The following SIK3 variants were observed in gnomAD, a reference collection of about 807,000 sequenced individuals.
SIK3 encodes SIK family kinase 3.
A neutral mutation model predicts 144.2 loss-of-function variants in SIK3; 28 were observed. The observed-to-expected ratio is 0.19, with a 90% confidence interval of 0.14 to 0.27. The LOEUF (loss-of-function observed/expected upper bound fraction) is 0.27. Among genes scored for constraint, SIK3 ranks in the 10% least tolerant of loss-of-function variants. The pLI, the probability that SIK3 is intolerant of heterozygous loss-of-function variation, is 1.00. For synonymous variants in SIK3, 686 were observed against 676.3 expected (o/e 1.01, Z -0.22); for missense variants, 1,319 against 1,776.0 (o/e 0.74, Z 4.62).
intron 19 of SIK3, among the ~76,000 whole-genome samples, chr11:116,860,495 C>T (rs1284849178): frequency 1.3e-5 from 2 of 152,134 alleles, no homozygotes; most frequent in Admixed American, 6.5e-5. Context: ...ATCTGTACAC[C>T]CACAAGAGAG....
chr11:116,979,260 G>GT (rs1254851986), intron 1 of SIK3, among the ~76,000 whole-genome samples: 2 of 152,100 alleles, frequency 1.3e-5, no homozygotes, highest in Non-Finnish European at 1.5e-5. Flanking sequence ...TACTAAAAGG[G>GT]TTGAGGATCT....
At chr11:116,879,781 T>C (rs964668530) in intron 6 of SIK3, among the ~76,000 whole-genome samples, 6 of 152,230 alleles carry the variant, frequency 3.9e-5, no homozygotes, top group African/African-American at 7.2e-5. Context: ...TACATTCCTA[T>C]AGAATAAAGT....
chr11:117,066,839 G>C (rs1237128082), intron 1 of SIK3, among the ~76,000 whole-genome samples: 1 of 152,118 alleles, frequency 6.6e-6, no homozygotes, highest in East Asian at 1.9e-4. Context: ...TGCCCGGTCA[G>C]CCCATTTCTT....
At position 116,873,773 on chromosome 11, in the gene SIK3, G is replaced by C. The variant is rs1335687590; in HGVS notation, c.1581+130C>G. 3 of 1,466,492 alleles carry C rather than the reference G, an allele frequency of 2.0e-6. No homozygotes were observed. In the East Asian group the frequency reaches 6.9e-5, roughly 34 times the overall value. The allele number at this position is 1,466,492 out of a possible 1,614,324, so 90.8% of individuals were successfully genotyped here. A position where few individuals can be genotyped will look rare whatever the true frequency, so the allele number is the denominator to read the frequency against. On this transcript the variant is annotated intron_variant, in intron 12 of 24. Coordinates refer to ENST00000445177, the MANE Select transcript of SIK3 (RefSeq NM_001366686.3). ...TAGAGGACGCTTCCCGCTCACCCGA[G>C]CTACTTTGCAAGATAAATCATCTTT...
chr11:116,965,760 T>A (rs747072836), intron 1 of SIK3, among the ~76,000 whole-genome samples: 19,793 of 61,282 alleles, frequency 0.32, 2,329 homozygotes, highest in Admixed American at 0.39. Flanking sequence ...TATATATATA[T>A]ATATATATAT....
chr11:116,891,177 G>A (rs1945082776), intron 6 of SIK3, among the ~76,000 whole-genome samples: 1 of 152,114 alleles, frequency 6.6e-6, no homozygotes, highest in Non-Finnish European at 1.5e-5. Context: ...GGGCATGATG[G>A]TGCTTGGTGC....
At chr11:116,862,605 G>A (rs1943407782) in intron 16 of SIK3, among the ~76,000 whole-genome samples, 1 of 152,226 alleles carries the variant, frequency 6.6e-6, no homozygotes, top group Non-Finnish European at 1.5e-5. Context: ...GCCATTGGAA[G>A]CTTGGTCATC....
chr11:116,893,458 C>T (rs922544430), intron 6 of SIK3, among the ~76,000 whole-genome samples: 5 of 152,052 alleles, frequency 3.3e-5, no homozygotes, highest in African/African-American at 1.2e-4. Flanking sequence ...AGGCAGATCG[C>T]CTGAACTCAA....
intron 1 of SIK3, among the ~76,000 whole-genome samples, chr11:117,007,309 C>T (rs1267389889): frequency 6.6e-6 from 1 of 152,150 alleles, no homozygotes; most frequent in Non-Finnish European, 1.5e-5. Context: ...ACCTGGGAGG[C>T]AGAGGTTGCA....
At chr11:116,930,401 G>C (rs749776308) in intron 3 of SIK3, among the ~76,000 whole-genome samples, 2 of 152,138 alleles carry the variant, frequency 1.3e-5, no homozygotes, top group African/African-American at 4.8e-5. Flanking sequence ...CTTTATATTC[G>C]TATATGCTCT....
chr11:117,032,178 A>G (rs939102165), intron 1 of SIK3, among the ~76,000 whole-genome samples: 12 of 152,188 alleles, frequency 7.9e-5, no homozygotes, highest in African/African-American at 2.7e-4. Flanking sequence ...CACAATTGAT[A>G]ATAATCTTGC....
intron 13 of SIK3, 21 bp downstream of exon 13, chr11:116,873,460 G>C: frequency 1.2e-6 from 2 of 1,614,068 alleles, no homozygotes; most frequent in Non-Finnish European, 1.7e-6. Context: ...ACAGTGAATT[G>C]GGCTCTGTGC....
rs569168760 is a variant in SIK3 at position 116,867,829 on chromosome 11, A to G, written c.1952+117T>C. On this transcript the variant is annotated intron_variant, in intron 15 of 24. Transcript: ENST00000445177. The surrounding 1 kb of genome is among the most constrained non-coding windows in gnomAD (Gnocchi z 4.1). ...GGAGCTGAGAAGATGTGAGTTCAGGATGACAGCTGGCTTCTATTTAAAGCC... is the reference window on the plus strand; with the variant it reads ...GGAGCTGAGAAGATGTGAGTTCAGGGTGACAGCTGGCTTCTATTTAAAGCC... 6.4e-6 allele frequency: 7 copies of G among 1,086,426 alleles called. No homozygotes were observed. In the East Asian group the frequency reaches 1.9e-4, roughly 29 times the overall value. The allele number at this position is 1,086,426 out of a possible 1,614,324, so 67.3% of individuals were successfully genotyped here. A position where few individuals can be genotyped will look rare whatever the true frequency, so the allele number is the denominator to read the frequency against.
intron 1 of SIK3, among the ~76,000 whole-genome samples, chr11:117,050,330 G>A (rs1318897725): frequency 6.6e-6 from 1 of 151,650 alleles, no homozygotes; most frequent in African/African-American, 2.4e-5. Flanking sequence ...ATTGGTGAAA[G>A]TTGGGGGAAG....
At chr11:116,953,995 G>A in intron 3 of SIK3, 49 bp downstream of exon 3, 1 of 1,484,438 alleles carries the variant, frequency 6.7e-7, no homozygotes, top group African/African-American at 1.4e-5. Context: ...TTTTAGGTTT[G>A]CCATAGTGTG....
In SIK3 at chr11:117,013,915, G is replaced by GGGGGGGTGTGT; in HGVS notation, c.274-56852_274-56851insACACACCCCCC. 2.1e-4 allele frequency among the ~76,000 whole-genome samples: 5 copies of GGGGGGGTGTGT among 23,644 alleles called. 1 individual carries two copies. Among genetic ancestry groups the GGGGGGGTGTGT allele is most frequent in the Non-Finnish European group, 6.5e-4 (5 of 7,724 alleles). The allele number at this position is 23,644 out of a possible 152,430, so 15.5% of individuals were successfully genotyped here. A position where few individuals can be genotyped will look rare whatever the true frequency, so the allele number is the denominator to read the frequency against. On this transcript the variant is annotated intron_variant, in intron 1 of 24. Transcript: ENST00000445177. ...CAGATTCTGAGGGGGGGGGGGGGAG[G>GGGGGGGTGTGT]GTGTGTGTGTGTGTGTGTGTGTGTG...
intron 1 of SIK3, among the ~76,000 whole-genome samples, chr11:117,014,945 T>G (rs1951455467): frequency 6.6e-6 from 1 of 152,068 alleles, no homozygotes; most frequent in Admixed American, 6.6e-5. Context: ...GCACCTTTAG[T>G]CCCAGCTACT....
intron 1 of SIK3, among the ~76,000 whole-genome samples, chr11:117,091,200 C>CTTTTTTTT (rs386375011): frequency 8.6e-5 from 8 of 93,018 alleles, no homozygotes; most frequent in Non-Finnish European, 1.4e-4. Context: ...TTTTTTTTTT[C>CTTTTTTTT]TTTTTTTTTT....
At position 116,858,093 on chromosome 11, in the gene SIK3, T is replaced by A; in HGVS notation, c.3372A>T (p.Ser1124=). Reference sequence around the variant, plus strand: ...GAGCATACCCGTGGGGCGGGGTGGGTGAGGAAGCCTGTGAGACACATTCTT... The same window carrying A: ...GAGCATACCCGTGGGGCGGGGTGGGAGAGGAAGCCTGTGAGACACATTCTT... The part of the protein sequence containing the change: ...RAQECVSQAS[S]PTPPHGYAHQ... Residue 1124 remains serine (S), a synonymous_variant, in exon 21 of 25, where the codon TCA becomes TCT. Transcript: ENST00000445177. This position sits in a 1 kb window ranked among gnomAD's most constrained non-coding sequence, Gnocchi z 5.4. 1.2e-6 allele frequency: 2 copies of A among 1,613,798 alleles called. No individual in the cohort carries two copies. Among genetic ancestry groups the A allele is most frequent in the Non-Finnish European group, 1.7e-6 (2 of 1,179,896 alleles).
Sources: gnomAD v4.1 joint callset for allele counts (sites outside exome capture counted in the v4.1 genomes callset) on GRCh38, gnomAD v4.1.1 for gene constraint, Gnocchi (gnomAD v3.1) non-coding constraint, MANE v1.5 for transcripts, NCBI Gene and HGNC (gene_info 2026-07-23, HGNC 2026-07-21) for gene names.